The following LYPLAL1 variants were observed in gnomAD, a reference collection of about 807,000 sequenced individuals.
LYPLAL1 encodes the protein lysophospholipase-like protein 1.
In LYPLAL1, 23 loss-of-function variants were observed where a neutral mutation model predicts 19.7. The ratio of observed to expected loss-of-function variants is 1.17; its 90% CI spans 0.84 to 1.65. The LOEUF (loss-of-function observed/expected upper bound fraction) is 1.65. Among genes scored for constraint, LYPLAL1 ranks in the 40% most tolerant of loss-of-function variants. The pLI, the probability that LYPLAL1 is intolerant of heterozygous loss-of-function variation, is 0.00. For synonymous variants in LYPLAL1, 119 were observed against 96.3 expected (o/e 1.24, Z -1.38); for missense variants, 355 against 279.4 (o/e 1.27, Z -1.93).
At chr1:219,348,755 A>T in the LYPLAL1 span, among the ~76,000 whole-genome samples, 2 of 152,192 alleles carry the variant, frequency 1.3e-5, no homozygotes, top group South Asian at 4.1e-4. Context: ...AGAAAACCCC[A>T]TATTTACATA....
At chr1:219,220,921 G>A in the LYPLAL1 span, among the ~76,000 whole-genome samples, 104 of 152,276 alleles carry the variant, frequency 6.8e-4, no homozygotes, top group African/African-American at 2.4e-3. Flanking sequence ...ACCTGAAAAA[G>A]TGTTAATTGC....
At chr1:219,175,705 G>A (rs1162986536) in intron 1 of LYPLAL1, among the ~76,000 whole-genome samples, 1 of 152,148 alleles carries the variant, frequency 6.6e-6, no homozygotes, top group African/African-American at 2.4e-5. Context: ...AATCTCCACT[G>A]AAGTAAATAA....
chr1:219,333,752 GC>G, the LYPLAL1 span, among the ~76,000 whole-genome samples: 1 of 152,036 alleles, frequency 6.6e-6, no homozygotes, highest in Non-Finnish European at 1.5e-5. Flanking sequence ...CTCAGGTCTA[GC>G]TTTTCTTCTT....
At chr1:219,441,136 T>A in the LYPLAL1 span, among the ~76,000 whole-genome samples, 1 of 152,232 alleles carries the variant, frequency 6.6e-6, no homozygotes, top group Non-Finnish European at 1.5e-5. Flanking sequence ...AAGAGGAAAA[T>A]TGAATCTATA....
the LYPLAL1 span, among the ~76,000 whole-genome samples, chr1:219,319,284 A>G: frequency 6.6e-6 from 1 of 152,120 alleles, no homozygotes; most frequent in African/African-American, 2.4e-5. Context: ...AAGACCTCCC[A>G]TAGCTGAGCC....
chr1:219,195,764 G>T (rs1203102124), intron 3 of LYPLAL1, among the ~76,000 whole-genome samples: 2 of 152,094 alleles, frequency 1.3e-5, no homozygotes, highest in Non-Finnish European at 2.9e-5. Context: ...ATGTGTCATG[G>T]TGTTTTGCTA....
chr1:219,367,784 A>G, the LYPLAL1 span, among the ~76,000 whole-genome samples: 1 of 152,170 alleles, frequency 6.6e-6, no homozygotes, highest in Non-Finnish European at 1.5e-5. Flanking sequence ...AACCTGAGGT[A>G]ATGTTTAAAG....
At chr1:219,427,450 G>A in the LYPLAL1 span, among the ~76,000 whole-genome samples, 1 of 152,194 alleles carries the variant, frequency 6.6e-6, no homozygotes, top group African/African-American at 2.4e-5. Flanking sequence ...CAGTCATCCT[G>A]TGTGTGCAAA....
At chr1:219,261,998 G>A in the LYPLAL1 span, among the ~76,000 whole-genome samples, 2 of 152,206 alleles carry the variant, frequency 1.3e-5, no homozygotes, top group East Asian at 3.9e-4. Context: ...CTTAGGTTTA[G>A]TCGTTTAACA....
the LYPLAL1 span, among the ~76,000 whole-genome samples, chr1:219,299,723 A>G: frequency 1.3e-5 from 2 of 152,182 alleles, no homozygotes; most frequent in Admixed American, 1.3e-4. Context: ...GAAAACATGA[A>G]GACTGGAGCC....
the LYPLAL1 span, among the ~76,000 whole-genome samples, chr1:219,403,118 A>T: frequency 1.3e-5 from 2 of 152,354 alleles, no homozygotes; most frequent in Non-Finnish European, 2.9e-5. Flanking sequence ...CATCACCATC[A>T]TAGTAGTCAG....
At chr1:219,386,660 T>A in the LYPLAL1 span, among the ~76,000 whole-genome samples, 1 of 152,190 alleles carries the variant, frequency 6.6e-6, no homozygotes, top group Admixed American at 6.5e-5. Context: ...TACCCAGATC[T>A]TCTTTCTTAG....
chr1:219,238,041 AAT>A, the LYPLAL1 span, among the ~76,000 whole-genome samples: 2 of 152,022 alleles, frequency 1.3e-5, no homozygotes, highest in South Asian at 4.1e-4. Flanking sequence ...CAAATCACTG[AAT>A]ATGTCTCAGC....
the LYPLAL1 span, among the ~76,000 whole-genome samples, chr1:219,340,470 C>T: frequency 6.6e-6 from 1 of 151,964 alleles, no homozygotes; most frequent in African/African-American, 2.4e-5. Context: ...GGATGGGATA[C>T]CAATGGATGT....
chr1:219,425,652 T>C, the LYPLAL1 span, among the ~76,000 whole-genome samples: 2 of 152,294 alleles, frequency 1.3e-5, no homozygotes, highest in African/African-American at 4.8e-5. Context: ...AGAAATTACA[T>C]GTAAAGAATT....
At chr1:219,201,356 G>C (rs919928552) in intron 3 of LYPLAL1, among the ~76,000 whole-genome samples, 26 of 151,080 alleles carry the variant, frequency 1.7e-4, no homozygotes, top group African/African-American at 6.1e-4. Context: ...TGACTCATCT[G>C]GAGTTTATTT....
At chr1:219,425,381 T>G in the LYPLAL1 span, among the ~76,000 whole-genome samples, 1 of 152,226 alleles carries the variant, frequency 6.6e-6, no homozygotes, top group Non-Finnish European at 1.5e-5. Flanking sequence ...AGTTCACAGC[T>G]AATTAGTGGC....
At chr1:219,401,460 A>G in the LYPLAL1 span, among the ~76,000 whole-genome samples, 7 of 151,794 alleles carry the variant, frequency 4.6e-5, no homozygotes, top group South Asian at 8.3e-4. Context: ...TACATTTTCA[A>G]TAATATTTTT....
chr1:219,307,986 A>G, the LYPLAL1 span, among the ~76,000 whole-genome samples: 1 of 152,324 alleles, frequency 6.6e-6, no homozygotes, highest in Admixed American at 6.5e-5. Context: ...AAATGTGAGA[A>G]AGTTTGGAAC....
Sources: gnomAD v4.1 joint callset for allele counts (sites outside exome capture counted in the v4.1 genomes callset) on GRCh38, gnomAD v4.1.1 for gene constraint, MANE v1.5 for transcripts, NCBI Gene and HGNC (gene_info 2026-07-23, HGNC 2026-07-21) for gene names.